GRIK4: variants seen among roughly 807,000 people sequenced by gnomAD.
GRIK4 encodes glutamate receptor ionotropic, kainate 4.
In GRIK4, 40 loss-of-function variants were observed where a neutral mutation model predicts 104.9. That is an observed-to-expected ratio of 0.38 (90% CI 0.30 to 0.50). GRIK4 has a LOEUF of 0.50. Ranked by LOEUF, GRIK4 falls within the 20% of genes least tolerant of loss-of-function variation. GRIK4 has a pLI of 0.93. For synonymous variants in GRIK4, 485 were observed against 524.9 expected, an observed-to-expected ratio of 0.92 and a Z score of 1.04; for missense variants, 1,047 against 1,308.1, an observed-to-expected ratio of 0.80 and a Z score of 3.08.
At position 120,518,704 on chromosome 11, in the gene GRIK4, C is replaced by T. The variant is rs551577696; in HGVS notation, c.-159+6817C>T. 8.5e-5 allele frequency among the ~76,000 whole-genome samples: 13 copies of T among 152,196 alleles called. No homozygotes were observed. In the East Asian group the frequency reaches 1.9e-3, roughly 23 times the overall value. On this transcript the variant is annotated intron_variant, in intron 1 of 20. Coordinates refer to ENST00000527524, the MANE Select transcript of GRIK4 (RefSeq NM_014619.5). ...CGCGACCTTGGCTTACTGCAACCTC[C>T]GCCTCCCAGGTTCAAGTGATTCTCC...
At chr11:120,961,905 C>T (rs182373496) in intron 17 of GRIK4, among the ~76,000 whole-genome samples, 191 of 152,346 alleles carry the variant, frequency 1.3e-3, no homozygotes, top group Non-Finnish European at 2.2e-3. Flanking sequence ...ATCATGCAAA[C>T]ACAGAGTTTG....
chr11:120,986,054 A>G lies in GRIK4; in HGVS notation c.2665A>G (p.Asn889Asp). The G allele has an allele frequency of 6.6e-7, 1 of 1,522,170 alleles. No individual in the cohort carries two copies. Among genetic ancestry groups the G allele is most frequent in the Non-Finnish European group, 8.8e-7 (1 of 1,137,544 alleles). 94.3% of individuals were successfully genotyped at this position (1,522,170 alleles called of 1,614,324 possible). ...ACCGCGGGGCACGGCGACGCTCAGC[A>G]ACGGGAAGCTGTGCGGGGCAGGGGA... ...RRPRGTATLSNGKLCGAGEPD... is the reference protein window; with the variant it reads ...RRPRGTATLSDGKLCGAGEPD... The change falls in exon 21 of 21, where the codon AAC (asparagine) becomes GAC (aspartate). Residue 889 changes from asparagine (N) to aspartate (D), a missense_variant. Around this residue, in one of 3 missense-constraint regions of GRIK4, gnomAD observed 160 missense variants for 140.9 expected, o/e 1.14. Coordinates refer to ENST00000527524, the MANE Select transcript of GRIK4 (RefSeq NM_014619.5).
chr11:120,707,884 G>A (rs2135347036), intron 3 of GRIK4, among the ~76,000 whole-genome samples: 1 of 152,304 alleles, frequency 6.6e-6, no homozygotes, highest in Non-Finnish European at 1.5e-5. Context: ...TCACAACATG[G>A]TAGCTGAGTT....
chr11:120,871,203 G>T (rs1343297042), intron 9 of GRIK4: 1 of 171,228 alleles, frequency 5.8e-6, no homozygotes, highest in Non-Finnish European at 1.3e-5. Context: ...CTAGAAGCCA[G>T]TTTCAGTTGG....
chr11:120,889,238 T>G (rs577123967), intron 11 of GRIK4, among the ~76,000 whole-genome samples: 1 of 152,338 alleles, frequency 6.6e-6, no homozygotes, highest in South Asian at 2.1e-4. Context: ...CGTGCCAAGG[T>G]GTTCACCACG....
chr11:120,922,619 A>T (rs955879164), intron 13 of GRIK4, among the ~76,000 whole-genome samples: 1 of 152,150 alleles, frequency 6.6e-6, no homozygotes, highest in African/African-American at 2.4e-5. Context: ...CAGAGTCATT[A>T]TATGCTCTGG....
chr11:120,646,915 G>A (rs904572062), intron 1 of GRIK4, among the ~76,000 whole-genome samples: 11 of 152,208 alleles, frequency 7.2e-5, no homozygotes, highest in African/African-American at 2.2e-4. Flanking sequence ...GGCAGGGCAG[G>A]TAGTATGTCT....
intron 1 of GRIK4, among the ~76,000 whole-genome samples, chr11:120,571,731 C>T (rs758786986): frequency 6.6e-6 from 1 of 152,134 alleles, no homozygotes; most frequent in African/African-American, 2.4e-5. Context: ...GGATGTCTGT[C>T]TTTCTGACAC....
At position 120,831,518 on chromosome 11, in the gene GRIK4, G is replaced by C. The variant is rs77180222; in HGVS notation, c.512-334G>C. 7.2e-5 allele frequency among the ~76,000 whole-genome samples: 11 copies of C among 152,278 alleles called. No individual in the cohort carries two copies. The East Asian group carries it at 1.9e-3, about 27-fold the overall frequency. On this transcript the variant is annotated intron_variant, in intron 6 of 20. Coordinates refer to ENST00000527524, the MANE Select transcript of GRIK4 (RefSeq NM_014619.5). ...TCTGAACCCAGGTCTTGGTCTCTGT[G>C]CATCCTATCCGGCTTTCGAGGGTGG...
At chr11:120,668,371 GAAAAGAAAGA>G (rs1300818436) in intron 3 of GRIK4, among the ~76,000 whole-genome samples, 1 of 146,942 alleles carries the variant, frequency 6.8e-6, no homozygotes, top group East Asian at 2.0e-4. Flanking sequence ...GAAAGAGGAA[GAAAAGAAAGA>G]AAAAGAAAGG....
intron 3 of GRIK4, among the ~76,000 whole-genome samples, chr11:120,749,713 T>G (rs1951511706): frequency 6.6e-6 from 1 of 152,138 alleles, no homozygotes; most frequent in Admixed American, 6.5e-5. Context: ...TAGGGAGCTC[T>G]TTTGAAGGCC....
intron 9 of GRIK4, chr11:120,869,430 C>CAAG: frequency 6.6e-6 from 1 of 152,274 alleles, no homozygotes; most frequent in Non-Finnish European, 1.5e-5. Context: ...TTCCTTCTAC[C>CAAG]TGCTCCCTGT....
intron 1 of GRIK4, among the ~76,000 whole-genome samples, chr11:120,640,936 T>A (rs1949463117): frequency 6.6e-6 from 1 of 152,248 alleles, no homozygotes; most frequent in Non-Finnish European, 1.5e-5. Context: ...GATCTTGAAC[T>A]CCTGACCTCA....
intron 1 of GRIK4, among the ~76,000 whole-genome samples, chr11:120,613,488 G>A (rs1376079502): frequency 6.6e-6 from 1 of 152,198 alleles, no homozygotes; most frequent in African/African-American, 2.4e-5. Flanking sequence ...TGCATGTGTT[G>A]TACAAGGCAA....
At chr11:120,745,014 T>C (rs1951415419) in intron 3 of GRIK4, among the ~76,000 whole-genome samples, 1 of 152,192 alleles carries the variant, frequency 6.6e-6, no homozygotes, top group African/African-American at 2.4e-5. Context: ...TTTTTATGAT[T>C]TGATTTTGTT....
chr11:120,874,486 T>A (rs1329089551), intron 10 of GRIK4, among the ~76,000 whole-genome samples: 2 of 152,204 alleles, frequency 1.3e-5, no homozygotes, highest in Non-Finnish European at 2.9e-5. Context: ...GGCCCCTGAA[T>A]TCCAGACTTA....
At chr11:120,621,801 T>G (rs994375664) in intron 1 of GRIK4, among the ~76,000 whole-genome samples, 1 of 152,252 alleles carries the variant, frequency 6.6e-6, no homozygotes, top group Non-Finnish European at 1.5e-5. Context: ...ACTTCTCAGC[T>G]GCAGCGGCAG....
At chr11:120,930,264 G>T (rs1166672813) in intron 13 of GRIK4, among the ~76,000 whole-genome samples, 1 of 152,200 alleles carries the variant, frequency 6.6e-6, no homozygotes, top group Non-Finnish European at 1.5e-5. Flanking sequence ...TTGAAATGTT[G>T]TTTATGTTAA....
chr11:120,984,103 T>A (rs1413920214), intron 20 of GRIK4, among the ~76,000 whole-genome samples: 1 of 152,148 alleles, frequency 6.6e-6, no homozygotes, highest in African/African-American at 2.4e-5. Context: ...ATTTTGTTAT[T>A]CTCCCCAAAG....
Sources: allele counts gnomAD v4.1 joint callset (sites outside exome capture counted in the v4.1 genomes callset), GRCh38; gene constraint gnomAD v4.1.1; regional missense constraint gnomAD v4.1.1; transcripts MANE v1.5; gene names NCBI Gene and HGNC (gene_info 2026-07-23, HGNC 2026-07-21).